The following SOCS2 variants were observed in gnomAD, a reference collection of about 807,000 sequenced individuals.
SOCS2 encodes CIS-2.
SOCS2 carries 10 observed loss-of-function variants against 18.6 expected under a neutral mutation model. The observed-to-expected ratio is 0.54, with a 90% confidence interval of 0.33 to 0.91. The LOEUF is 0.91. Among genes scored for constraint, SOCS2 ranks in the 40% least tolerant of loss-of-function variants. The probability of loss-of-function intolerance (pLI) is 0.02; values close to 1 mark genes in which losing one functional copy is unlikely to be tolerated. For synonymous variants in SOCS2, 104 were observed against 104.0 expected (o/e 1.00, Z 0.00); for missense variants, 231 against 247.2 (o/e 0.93, Z 0.44).
chr12:93,614,861 G>A, the SOCS2 span, among the ~76,000 whole-genome samples: 47 of 150,558 alleles, frequency 3.1e-4, no homozygotes, highest in Non-Finnish European at 6.6e-4. Flanking sequence ...TGATCCATCC[G>A]CCTCGGCCTC....
At chr12:93,617,495 C>T in the SOCS2 span, among the ~76,000 whole-genome samples, 106 of 152,096 alleles carry the variant, frequency 7.0e-4, 1 homozygote, top group African/African-American at 2.4e-3. Context: ...TATATTATGT[C>T]TGAATAAAAA....
chr12:93,602,225 A>G, the SOCS2 span, among the ~76,000 whole-genome samples: 2 of 152,026 alleles, frequency 1.3e-5, no homozygotes, highest in East Asian at 3.9e-4. Flanking sequence ...ATCCTAGACT[A>G]CAGGTGTGTG....
At position 93,575,134 on chromosome 12, in the gene SOCS2, A is replaced by C. The variant is rs754830564; in HGVS notation, c.552A>C (p.Pro184=). The C allele has an allele frequency of 6.3e-7, 1 of 1,576,404 alleles. No homozygotes were observed. Among genetic ancestry groups the C allele is most frequent in the South Asian group, 1.2e-5 (1 of 83,642 alleles). Residue 184 remains proline, a synonymous_variant, in exon 2 of 2, where the codon CCA becomes CCC. Transcript: ENST00000551556. ...GTGCCATCTGGGGACTGCCTTTACC[A>C]ACAAGACTAAAAGATTACTTGGAAG... The part of the protein sequence containing the change: ...CTGAIWGLPL[P]TRLKDYLEEY...
chr12:93,623,452 C>T, the SOCS2 span, among the ~76,000 whole-genome samples: 4 of 151,702 alleles, frequency 2.6e-5, no homozygotes, highest in South Asian at 2.1e-4. Flanking sequence ...TTATACTTTA[C>T]GTTTTAGGGT....
At chr12:93,620,342 C>T in the SOCS2 span, among the ~76,000 whole-genome samples, 10 of 152,274 alleles carry the variant, frequency 6.6e-5, no homozygotes, top group East Asian at 7.7e-4. Context: ...TGTGGACATT[C>T]GGGTGGATGG....
the SOCS2 span, among the ~76,000 whole-genome samples, chr12:93,616,069 C>T: frequency 6.6e-6 from 1 of 152,224 alleles, no homozygotes; most frequent in Non-Finnish European, 1.5e-5. Context: ...ATCAGCCCTT[C>T]CCACTCTTGG....
At chr12:93,590,592 C>A in the SOCS2 span, among the ~76,000 whole-genome samples, 20 of 151,302 alleles carry the variant, frequency 1.3e-4, no homozygotes, top group Admixed American at 4.0e-4. Flanking sequence ...GTCAGGAGAT[C>A]GAGACCATCC....
chr12:93,608,343 A>G, the SOCS2 span, among the ~76,000 whole-genome samples: 7 of 152,158 alleles, frequency 4.6e-5, 1 homozygote, highest in Non-Finnish European at 1.0e-4. Flanking sequence ...CTAAAAATAC[A>G]GAAGGATATT....
upstream of SOCS2, chr12:93,572,282 A>T (rs1248470285): frequency 5.5e-6 from 1 of 181,784 alleles, no homozygotes; most frequent in Non-Finnish European, 1.1e-5. This position sits in a 1 kb window ranked among gnomAD's most constrained non-coding sequence, Gnocchi z 5.0. Flanking sequence ...CAGGTGTGAG[A>T]CCGGAATGCC....
At chr12:93,625,153 T>C in the SOCS2 span, among the ~76,000 whole-genome samples, 1 of 152,234 alleles carries the variant, frequency 6.6e-6, no homozygotes, top group Non-Finnish European at 1.5e-5. Context: ...GACTATCTGG[T>C]CATCTCCTGG....
At chr12:93,603,829 T>C in the SOCS2 span, among the ~76,000 whole-genome samples, 1 of 152,068 alleles carries the variant, frequency 6.6e-6, no homozygotes, top group Non-Finnish European at 1.5e-5. Context: ...GAACCAGAAA[T>C]GTGGCCGCCT....
the SOCS2 span, among the ~76,000 whole-genome samples, chr12:93,614,535 CCTTCCTTCTT>C: frequency 3.4e-5 from 3 of 88,350 alleles, no homozygotes; most frequent in African/African-American, 2.0e-4. Context: ...TTCCTTCCTT[CCTTCCTTCTT>C]TCTTTCTTTC....
intron 1 of SOCS2, 68 bp from the exon 2 acceptor site, chr12:93,574,654 C>G (rs992483924): frequency 1.6e-5 from 18 of 1,116,548 alleles, no homozygotes; most frequent in Middle Eastern, 2.4e-4. Context: ...ATTACTTGCT[C>G]TGTTCTAAGA....
the SOCS2 span, among the ~76,000 whole-genome samples, chr12:93,605,023 G>A: frequency 4.4e-4 from 67 of 151,540 alleles, 1 homozygote; most frequent in East Asian, 0.012. Context: ...TAGGAAATAA[G>A]CAGCCATGCC....
At chr12:93,573,455 C>T in intron 1 of SOCS2, 1 of 362,496 alleles carries the variant, frequency 2.8e-6, no homozygotes, top group Non-Finnish European at 4.9e-6. Context: ...GCTGCGGCTG[C>T]AGCCCAGGAT....
the SOCS2 span, among the ~76,000 whole-genome samples, chr12:93,618,883 T>A: frequency 6.6e-6 from 1 of 152,236 alleles, no homozygotes; most frequent in Non-Finnish European, 1.5e-5. Context: ...CTCACTATGT[T>A]GCCCAGGTTG....
chr12:93,585,535 C>A (rs146000243), downstream of SOCS2, among the ~76,000 whole-genome samples: 1 of 152,196 alleles, frequency 6.6e-6, no homozygotes, highest in East Asian at 1.9e-4. Context: ...GTTTGGTGAG[C>A]GGCATGGTGT....
In SOCS2 at chr12:93,572,883, G is replaced by A. The variant is rs915902988; in HGVS notation, c.-15G>A. Reference sequence around the variant, plus strand: ...TCGGGCGGCCACCTGTCTTTGCCGCGGTGACCCTTCTCTCATGACCCTGCG... The same window carrying A: ...TCGGGCGGCCACCTGTCTTTGCCGCAGTGACCCTTCTCTCATGACCCTGCG... On this transcript the variant is annotated 5_prime_UTR_variant, in exon 1 of 2. Coordinates refer to ENST00000551556, the MANE Select transcript of SOCS2 (RefSeq NM_001270471.2). This position sits in a 1 kb window ranked among gnomAD's most constrained non-coding sequence, Gnocchi z 5.0. 1.3e-6 allele frequency: 2 copies of A among 1,567,098 alleles called. No homozygotes were observed. Among genetic ancestry groups the A allele is most frequent in the East Asian group, 2.4e-5 (1 of 41,904 alleles).
rs140084496 is a variant in SOCS2, at chr12:93,575,006, G to T, written c.424G>T (p.Ala142Ser). The T allele has an allele frequency of 6.2e-6, 10 of 1,614,032 alleles. No homozygotes were observed. The highest frequency in any genetic ancestry group is 7.6e-6 in the Non-Finnish European group (9 of 1,179,976). ...MCKDKRTGPE[A>S]PRNGTVHLYL... is the part of the protein sequence containing the mutation. ...CAAGGATAAGCGGACAGGTCCAGAAGCCCCCCGGAACGGCACTGTTCACCT... is the reference window on the plus strand; with the variant it reads ...CAAGGATAAGCGGACAGGTCCAGAATCCCCCCGGAACGGCACTGTTCACCT... Residue 142 changes from alanine to serine, a missense_variant, in exon 2 of 2, where the codon GCC becomes TCC. Around this residue, in one of 3 missense-constraint regions of SOCS2, gnomAD observed 122 missense variants for 127.2 expected, o/e 0.96. Coordinates refer to ENST00000551556, the MANE Select transcript of SOCS2 (RefSeq NM_001270471.2).
Sources: gnomAD v4.1 joint callset for allele counts (sites outside exome capture counted in the v4.1 genomes callset) on GRCh38, gnomAD v4.1.1 for gene constraint, gnomAD v4.1.1 regional missense constraint, Gnocchi (gnomAD v3.1) non-coding constraint, MANE v1.5 for transcripts, NCBI Gene and HGNC (gene_info 2026-07-23, HGNC 2026-07-21) for gene names.